The following C9 variants were observed in gnomAD, a reference collection of about 807,000 sequenced individuals.
C9 encodes complement component C9.
Under a neutral mutation model 65.4 loss-of-function variants are expected in C9, and 63 were observed. The observed-to-expected ratio is 0.96, with a 90% confidence interval of 0.79 to 1.19. The LOEUF (loss-of-function observed/expected upper bound fraction) is 1.19. Among genes scored for constraint, C9 ranks in the 50% most tolerant of loss-of-function variants. The pLI is 0.00. For missense variants in C9, 744 were observed against 670.1 expected, an observed-to-expected ratio of 1.11 and a Z score of -1.22; for synonymous variants, 229 against 227.9, an observed-to-expected ratio of 1.00 and a Z score of -0.04.
chr5:39,322,685 C>T (rs1753682904), intron 5 of C9, among the ~76,000 whole-genome samples: 1 of 152,092 alleles, frequency 6.6e-6, no homozygotes, highest in Non-Finnish European at 1.5e-5. Flanking sequence ...GCAGGTTTTG[C>T]ATCCGTGGAT....
At chr5:39,337,685 G>T (rs1753994979) in intron 4 of C9, among the ~76,000 whole-genome samples, 1 of 152,192 alleles carries the variant, frequency 6.6e-6, no homozygotes, top group Non-Finnish European at 1.5e-5. Flanking sequence ...CTTACAGCTG[G>T]CTGGATGTAT....
intron 1 of C9, among the ~76,000 whole-genome samples, chr5:39,343,913 G>GGTCTGGATACCCAGCAAACACT (rs1754139579): frequency 6.6e-6 from 1 of 152,106 alleles, no homozygotes; most frequent in African/African-American, 2.4e-5. Flanking sequence ...CAGCAAACAC[G>GGTCTGGATACCCAGCAAACACT]GTCTGGAGTG....
intron 1 of C9, among the ~76,000 whole-genome samples, chr5:39,354,094 CT>C (rs1469109651): frequency 3.4e-4 from 52 of 152,278 alleles, no homozygotes; most frequent in African/African-American, 1.2e-3. Flanking sequence ...GCTTCATCTT[CT>C]AAAATTGCAG....
At chr5:39,350,333 G>A (rs1280836759) in intron 1 of C9, among the ~76,000 whole-genome samples, 1 of 152,060 alleles carries the variant, frequency 6.6e-6, no homozygotes, top group Non-Finnish European at 1.5e-5. Context: ...AGATGAGTGG[G>A]GACACAGTGC....
chr5:39,331,881 G>C, intron 4 of C9, 67 bp from the exon 5 acceptor site: 2 of 1,392,646 alleles, frequency 1.4e-6, no homozygotes, highest in Non-Finnish European at 2.0e-6. Context: ...GCCCTCTGTA[G>C]CTGGAAAAAG....
chr5:39,329,421 T>C (rs1272148413), intron 5 of C9, among the ~76,000 whole-genome samples: 1 of 152,212 alleles, frequency 6.6e-6, no homozygotes, highest in African/African-American at 2.4e-5. Flanking sequence ...ATTTCTATTT[T>C]ATAGATAAAG....
chr5:39,306,161 T>G, intron 9 of C9, among the ~76,000 whole-genome samples: 1 of 61,876 alleles, frequency 1.6e-5, no homozygotes, highest in Non-Finnish European at 3.0e-5. Flanking sequence ...AGACTCTGTC[T>G]CAAAAAAAAA....
At chr5:39,312,493 A>T (rs1753503163) in intron 6 of C9, among the ~76,000 whole-genome samples, 1 of 152,214 alleles carries the variant, frequency 6.6e-6, no homozygotes, top group African/African-American at 2.4e-5. Flanking sequence ...TGTCCCTTTC[A>T]GTCCACCCTC....
intron 1 of C9, among the ~76,000 whole-genome samples, chr5:39,347,106 TG>T (rs1754212187): frequency 1.3e-5 from 2 of 152,276 alleles, no homozygotes; most frequent in South Asian, 4.1e-4. Flanking sequence ...CTTTGAAAAC[TG>T]GCAAAAGACA....
rs145601145 is a variant in C9 at position 39,341,534 on chromosome 5, G to A, written c.328+22C>T. 7.8e-5 allele frequency: 126 copies of A among 1,611,856 alleles called. No individual in the cohort carries two copies. The African/African-American group carries it at 1.5e-3, about 19-fold the overall frequency. Reference sequence around the variant, plus strand: ...GAAGGCACACAGAAAGCCACAATGAGCAATTCAAGCACAAAGATTACCTGT... The same window carrying A: ...GAAGGCACACAGAAAGCCACAATGAACAATTCAAGCACAAAGATTACCTGT... On this transcript the variant is annotated intron_variant, in intron 3 of 10. Coordinates refer to ENST00000263408, the MANE Select transcript of C9 (RefSeq NM_001737.5).
intron 1 of C9, among the ~76,000 whole-genome samples, chr5:39,362,176 A>G (rs370158147): frequency 1.3e-5 from 2 of 152,280 alleles, no homozygotes; most frequent in South Asian, 2.1e-4. Context: ...TCCTAACCCC[A>G]GATAATTATT....
chr5:39,290,791 C>T (rs534178232), intron 9 of C9, among the ~76,000 whole-genome samples: 2 of 151,838 alleles, frequency 1.3e-5, no homozygotes, highest in South Asian at 4.1e-4. Flanking sequence ...CAACACATTA[C>T]TGAGCTGAGG....
chr5:39,341,417 T>C (rs1170430644), intron 3 of C9, 124 bp from the exon 4 acceptor site: 5 of 1,426,340 alleles, frequency 3.5e-6, no homozygotes, highest in South Asian at 2.3e-5. Flanking sequence ...GAGTTCTTTG[T>C]ACAGAATATA....
chr5:39,323,179 C>T (rs540631041), intron 5 of C9, among the ~76,000 whole-genome samples: 1 of 152,058 alleles, frequency 6.6e-6, no homozygotes, highest in African/African-American at 2.4e-5. Context: ...TACAAAAAGT[C>T]TCCCATGAAA....
intron 4 of C9, among the ~76,000 whole-genome samples, chr5:39,333,772 T>C (rs1753894826): frequency 6.6e-6 from 1 of 151,820 alleles, no homozygotes; most frequent in Non-Finnish European, 1.5e-5. Context: ...CCGCCACGCC[T>C]GACTGGTTTT....
At chr5:39,310,300 A>G (rs1334312758) in intron 7 of C9, among the ~76,000 whole-genome samples, 1 of 152,116 alleles carries the variant, frequency 6.6e-6, no homozygotes, top group Non-Finnish European at 1.5e-5. Flanking sequence ...TTTCCTCCCT[A>G]AGAGACACAC....
intron 4 of C9, 56 bp downstream of exon 4, chr5:39,341,090 A>G: frequency 1.3e-6 from 2 of 1,570,816 alleles, no homozygotes; most frequent in Non-Finnish European, 8.8e-7. Context: ...ACAATGAGAG[A>G]GATGGAGATC....
At chr5:39,296,172 C>G (rs1330745927) in intron 9 of C9, among the ~76,000 whole-genome samples, 2 of 151,516 alleles carry the variant, frequency 1.3e-5, no homozygotes, top group Non-Finnish European at 3.0e-5. Flanking sequence ...AGCAAAAATA[C>G]ACAAATGGTT....
At chr5:39,320,700 A>G (rs1753651180) in intron 5 of C9, among the ~76,000 whole-genome samples, 1 of 152,012 alleles carries the variant, frequency 6.6e-6, no homozygotes, top group South Asian at 2.1e-4. Context: ...CAAATAGACT[A>G]TATATGAAGA....
Sources: allele counts gnomAD v4.1 joint callset (sites outside exome capture counted in the v4.1 genomes callset), GRCh38; gene constraint gnomAD v4.1.1; transcripts MANE v1.5; gene names NCBI Gene and HGNC (gene_info 2026-07-23, HGNC 2026-07-21).